The following RALGDS variants were observed in gnomAD, a reference collection of about 807,000 sequenced individuals.
RALGDS encodes the protein ral guanine nucleotide exchange factor.
Under a neutral mutation model 99.8 loss-of-function variants are expected in RALGDS, and 44 were observed. The observed-to-expected ratio is 0.44, with a 90% confidence interval of 0.35 to 0.57. The LOEUF (loss-of-function observed/expected upper bound fraction) is 0.57. Among genes scored for constraint, RALGDS ranks in the 20% least tolerant of loss-of-function variants. The pLI, the probability that RALGDS is intolerant of heterozygous loss-of-function variation, is 0.01. For missense variants in RALGDS, 1,022 were observed against 1,203.1 expected (o/e 0.85, Z 2.23); for synonymous variants, 529 against 505.0 (o/e 1.05, Z -0.64).
chr9:133,145,775 A>G (rs907995172), intron 1 of RALGDS, among the ~76,000 whole-genome samples: 5 of 152,174 alleles, frequency 3.3e-5, no homozygotes, highest in Non-Finnish European at 7.4e-5. Context: ...GACCTGCACA[A>G]TGGGGATGGT....
intron 2 of RALGDS, 135 bp from the exon 3 acceptor site, chr9:133,110,624 G>A: frequency 1.2e-6 from 1 of 804,764 alleles, no homozygotes; most frequent in East Asian, 2.7e-5. Flanking sequence ...AAGGTTATCA[G>A]CTTTAAAAGT....
chr9:133,112,030 G>A lies in RALGDS; in HGVS notation c.294+12C>T, dbSNP rs374530899. On this transcript the variant is annotated intron_variant, in intron 2 of 17. Coordinates refer to ENST00000372050, the MANE Select transcript of RALGDS (RefSeq NM_006266.4). ...AGCTGCGTCTCCCAGTGGAGACCCC[G>A]AGCGCACTCACCCCGAGCCAGCGCT... 27 of 1,556,654 alleles carry A rather than the reference G, an allele frequency of 1.7e-5. No homozygotes were observed. The highest frequency in any genetic ancestry group is 4.7e-5 in the South Asian group (4 of 84,898).
chr9:133,145,999 C>T (rs1317549768), intron 1 of RALGDS, among the ~76,000 whole-genome samples: 1 of 152,200 alleles, frequency 6.6e-6, no homozygotes, highest in Non-Finnish European at 1.5e-5. Flanking sequence ...GCCCGGAATA[C>T]AAGTCGGACA....
At chr9:133,140,783 T>C (rs1172702975) in intron 1 of RALGDS, among the ~76,000 whole-genome samples, 2 of 152,148 alleles carry the variant, frequency 1.3e-5, no homozygotes, top group Admixed American at 6.5e-5. Context: ...TCCTTGGTGC[T>C]GGGCTGGGGG....
chr9:133,131,946 T>C (rs1832341798), upstream of RALGDS, among the ~76,000 whole-genome samples: 1 of 152,168 alleles, frequency 6.6e-6, no homozygotes, highest in Admixed American at 6.5e-5. Context: ...TCATTTCCAG[T>C]GGGGATTGAG....
Position 133,101,601 on chromosome 9 carries a change from G to A in RALGDS, c.2373C>T (p.Leu791=). The A allele has an allele frequency of 6.2e-7, 1 of 1,612,950 alleles. No homozygotes were observed. Among genetic ancestry groups the A allele is most frequent in the Admixed American group, 1.7e-5 (1 of 60,034 alleles). Residue 791 remains leucine, a synonymous_variant, in exon 16 of 18, where the codon CTC becomes CTT. Transcript: ENST00000372050. The stretch of plus-strand genomic sequence containing the variant: ...AGCAGTCGCCCACCTGCTGGTTGTA[G>A]AGCGGCAGCGCGGAGCTGGAGTTGC... ...GLCNSSSALP[L]YNQQVGDCCI...
At chr9:133,146,798 A>C (rs912083053) in intron 1 of RALGDS, among the ~76,000 whole-genome samples, 1 of 152,204 alleles carries the variant, frequency 6.6e-6, no homozygotes, top group African/African-American at 2.4e-5. Flanking sequence ...CCTGCCCTAC[A>C]GAGAGACCCA....
chr9:133,104,648 C>T (rs1830927117), intron 9 of RALGDS: 1 of 340,968 alleles, frequency 2.9e-6, no homozygotes, highest in Non-Finnish European at 5.6e-6. Flanking sequence ...CCCATCTCTA[C>T]TAAAAAATAC....
At chr9:133,100,875 G>A (rs1314856178) in intron 16 of RALGDS, 1 of 1,055,326 alleles carries the variant, frequency 9.5e-7, no homozygotes, top group East Asian at 7.9e-5. Context: ...ACTGCTTAAT[G>A]ACAACCATGC....
chr9:133,129,902 A>T (rs541769282), intron 1 of RALGDS, among the ~76,000 whole-genome samples: 1 of 136,480 alleles, frequency 7.3e-6, no homozygotes, highest in East Asian at 2.1e-4. Context: ...TATAACCTCT[A>T]CCTCCCGGTT....
intron 1 of RALGDS, among the ~76,000 whole-genome samples, chr9:133,129,912 T>C (rs1832282996): frequency 6.6e-6 from 1 of 151,756 alleles, no homozygotes; most frequent in South Asian, 2.1e-4. Flanking sequence ...ACCTCCCGGT[T>C]CAAGTGATTC....
Position 133,101,238 on chromosome 9 carries a change from G to A in RALGDS, c.2454+282C>T, listed in dbSNP as rs1309324245. 6 of 1,308,282 alleles carry A rather than the reference G, an allele frequency of 4.6e-6. No individual in the cohort carries two copies. In the East Asian group the frequency reaches 2.1e-4, roughly 46 times the overall value. The allele number at this position is 1,308,282 out of a possible 1,614,324, so 81.0% of individuals were successfully genotyped here. On this transcript the variant is annotated intron_variant, in intron 16 of 17. Coordinates refer to ENST00000372050, the MANE Select transcript of RALGDS (RefSeq NM_006266.4). Reference sequence around the variant, plus strand: ...AAGTCGAGGTCCTGGCAGGGCTCAGGGCCTATGTGGCCAGGCCCTGGATAC... The same window carrying A: ...AAGTCGAGGTCCTGGCAGGGCTCAGAGCCTATGTGGCCAGGCCCTGGATAC...
chr9:133,104,408 T>C lies in RALGDS; in HGVS notation c.1603-77A>G, dbSNP rs1303061700. On this transcript the variant is annotated intron_variant, in intron 9 of 17. Coordinates refer to ENST00000372050, the MANE Select transcript of RALGDS (RefSeq NM_006266.4). ...GCACCCTGACCTGGGGTGCTGCCAG[T>C]GTGGTCGGGTTCCAGGGCTGACCCT... 4.4e-6 allele frequency: 6 copies of C among 1,350,144 alleles called. No homozygotes were observed. In the East Asian group the frequency reaches 1.1e-4, roughly 26 times the overall value. The allele number at this position is 1,350,144 out of a possible 1,614,324, so 83.6% of individuals were successfully genotyped here. A position where few individuals can be genotyped will look rare whatever the true frequency, so the allele number is the denominator to read the frequency against.
chr9:133,141,365 C>T lies in RALGDS; in HGVS notation c.18+7598G>A, dbSNP rs1189041263. On this transcript the variant is annotated intron_variant, in intron 1 of 17. Transcript: ENST00000393160. ...ACCTCGCTCCTTCCAGGCTGGACAC[C>T]CCTCATCCATGTTCTCACCTCGGCT... Among the ~76,000 whole-genome samples the T allele has an allele frequency of 7.9e-5, 12 of 152,322 alleles. No individual in the cohort carries two copies. The East Asian group carries it at 1.9e-3, about 25-fold the overall frequency.
exon 1 of RALGDS, chr9:133,149,002 G>T: frequency 6.4e-7 from 1 of 1,563,718 alleles, no homozygotes. Context: ...GTGGCACATC[G>T]CCGGCCCCAG....
At chr9:133,101,208 C>A (rs773245665) in intron 16 of RALGDS, 59 of 1,242,814 alleles carry the variant, frequency 4.7e-5, no homozygotes, top group Non-Finnish European at 5.9e-5. Context: ...TCTTCCTCCC[C>A]GAGAAAGTCG....
At chr9:133,123,691 GAC>G (rs1193466978), upstream of RALGDS, among the ~76,000 whole-genome samples, 2 of 148,698 alleles carry the variant, frequency 1.3e-5, no homozygotes, top group African/African-American at 2.5e-5. Context: ...CACACACACA[GAC>G]AGACACAAAG....
intron 1 of RALGDS, among the ~76,000 whole-genome samples, chr9:133,119,734 A>G (rs1831815325): frequency 6.6e-6 from 1 of 151,684 alleles, no homozygotes; most frequent in African/African-American, 2.4e-5. Context: ...CCCTGGATAG[A>G]TGAGGGTTGA....
exon 1 of RALGDS, chr9:133,148,994 G>A (rs1325890797): frequency 3.2e-6 from 5 of 1,578,446 alleles, no homozygotes; most frequent in Admixed American, 1.8e-5. Flanking sequence ...CAGCCTCGGT[G>A]GCACATCGCC....
Sources: allele counts gnomAD v4.1 joint callset (sites outside exome capture counted in the v4.1 genomes callset), GRCh38; gene constraint gnomAD v4.1.1; transcripts MANE v1.5; gene names NCBI Gene and HGNC (gene_info 2026-07-23, HGNC 2026-07-21).